PSTPIP1: variants seen among roughly 807,000 people sequenced by gnomAD.
PSTPIP1 encodes proline-serine-threonine phosphatase-interacting protein 1.
Under a neutral mutation model 69.6 loss-of-function variants are expected in PSTPIP1, and 66 were observed. That is an observed-to-expected ratio of 0.95 (90% CI 0.78 to 1.16). PSTPIP1 has a LOEUF of 1.16. Ranked by LOEUF, PSTPIP1 falls within the 50% of genes most tolerant of loss-of-function variation. PSTPIP1 has a pLI of 0.00. For missense variants in PSTPIP1, 603 were observed against 557.4 expected (o/e 1.08, Z -0.82); for synonymous variants, 266 against 222.7 (o/e 1.19, Z -1.73).
chr15:77,035,227 T>TC (rs1447562984), intron 12 of PSTPIP1, among the ~76,000 whole-genome samples: 3 of 152,042 alleles, frequency 2.0e-5, no homozygotes, highest in African/African-American at 7.2e-5. Flanking sequence ...GGTTCTAGGA[T>TC]CCTCCCAAGG....
chr15:77,025,218 G>T (rs2076251161), intron 3 of PSTPIP1, 66 bp from the exon 4 acceptor site: 1 of 1,527,462 alleles, frequency 6.5e-7, no homozygotes, highest in Non-Finnish European at 9.1e-7. Flanking sequence ...CCCGCCGGGA[G>T]GCAGCCTGGA....
intron 3 of PSTPIP1, among the ~76,000 whole-genome samples, chr15:77,022,851 G>A (rs1332103135): frequency 2.6e-5 from 4 of 152,224 alleles, no homozygotes; most frequent in Admixed American, 2.6e-4. Flanking sequence ...GAGGGGCCTG[G>A]AGGGGCCAAA....
rs1198852503 is a variant in PSTPIP1 at position 77,029,509 on chromosome 15, C to T, written c.517-20C>T. 9 of 1,569,536 alleles carry T rather than the reference C, an allele frequency of 5.7e-6. No homozygotes were observed. Among genetic ancestry groups the T allele is most frequent in the Non-Finnish European group, 7.8e-6 (9 of 1,158,192 alleles). On this transcript the variant is annotated intron_variant, in intron 7 of 14. Coordinates refer to ENST00000558012, the MANE Select transcript of PSTPIP1 (RefSeq NM_003978.5). ...CTCCTGGGGCAGGGGCTTAGCGCTGCTTCCCCTCTGTTTCCTCAGAGTCAG... is the reference window on the plus strand; with the variant it reads ...CTCCTGGGGCAGGGGCTTAGCGCTGTTTCCCCTCTGTTTCCTCAGAGTCAG...
At chr15:77,012,156 TC>T (rs1568492594) in intron 1 of PSTPIP1, among the ~76,000 whole-genome samples, 17 of 28,932 alleles carry the variant, frequency 5.9e-4, no homozygotes, top group African/African-American at 3.3e-3. Context: ...CATCCATCCA[TC>T]CACCCACCCA....
chr15:77,034,550 T>A (rs1435162422), intron 12 of PSTPIP1, among the ~76,000 whole-genome samples: 1 of 150,572 alleles, frequency 6.6e-6, no homozygotes, highest in Non-Finnish European at 1.5e-5. Context: ...TCTGGTCCAG[T>A]CTCTATTTCA....
intron 12 of PSTPIP1, among the ~76,000 whole-genome samples, chr15:77,034,343 T>C (rs900981470): frequency 2.1e-4 from 32 of 152,254 alleles, no homozygotes; most frequent in African/African-American, 7.7e-4. Context: ...TCTGCCCGCC[T>C]GTGTTGGTGT....
intron 1 of PSTPIP1, among the ~76,000 whole-genome samples, chr15:77,000,468 T>TAGATATATATAG (rs1201642652): frequency 4.5e-5 from 5 of 112,078 alleles, no homozygotes; most frequent in African/African-American, 1.4e-4. Context: ...GAGATATATA[T>TAGATATATATAG]ATATATATAC....
intron 3 of PSTPIP1, among the ~76,000 whole-genome samples, chr15:77,023,135 G>A (rs369895864): frequency 1.4e-4 from 22 of 152,368 alleles, no homozygotes; most frequent in Non-Finnish European, 2.1e-4. Flanking sequence ...ACCATGAACC[G>A]GGGTGGCCCA....
At chr15:77,003,650 C>T (rs889168739) in intron 1 of PSTPIP1, among the ~76,000 whole-genome samples, 7 of 149,030 alleles carry the variant, frequency 4.7e-5, no homozygotes, top group African/African-American at 1.2e-4. Context: ...AACGAAACTC[C>T]GTCTCAAAAA....
intron 1 of PSTPIP1, chr15:77,007,896 C>T (rs774986109): frequency 9.7e-5 from 44 of 455,926 alleles, no homozygotes; most frequent in Non-Finnish European, 1.7e-4. Flanking sequence ...GCCCGACTGG[C>T]AATAGAACAC....
intron 1 of PSTPIP1, among the ~76,000 whole-genome samples, chr15:77,016,539 G>C (rs2076056205): frequency 6.6e-6 from 1 of 152,164 alleles, no homozygotes; most frequent in African/African-American, 2.4e-5. Context: ...GGCCTTCCAG[G>C]CTAGACACGC....
At chr15:77,004,886 A>G (rs1384757035) in intron 1 of PSTPIP1, among the ~76,000 whole-genome samples, 7 of 151,276 alleles carry the variant, frequency 4.6e-5, no homozygotes, top group Admixed American at 4.6e-4. Flanking sequence ...AAACAAAAAA[A>G]ACAAAGAAAG....
chr15:77,010,884 G>A (rs2075920436), intron 1 of PSTPIP1, among the ~76,000 whole-genome samples: 1 of 152,210 alleles, frequency 6.6e-6, no homozygotes, highest in Admixed American at 6.5e-5. Context: ...GAGCTCAAGT[G>A]ATCCACCCCT....
At chr15:77,032,547 C>A (rs1192378070) in intron 11 of PSTPIP1, 153 bp downstream of exon 11, 2 of 745,302 alleles carry the variant, frequency 2.7e-6, no homozygotes, top group Non-Finnish European at 4.4e-6. Flanking sequence ...GGAGTTGGGT[C>A]CCAGGCCTGC....
chr15:77,000,921 T>C (rs2075694611), intron 1 of PSTPIP1, among the ~76,000 whole-genome samples: 1 of 152,148 alleles, frequency 6.6e-6, no homozygotes. Flanking sequence ...ATCTTAACCA[T>C]TTTTGTGGTG....
chr15:77,004,208 A>G (rs1020966903), intron 1 of PSTPIP1, among the ~76,000 whole-genome samples: 1 of 152,212 alleles, frequency 6.6e-6, no homozygotes, highest in East Asian at 1.9e-4. Flanking sequence ...CCACCTTCCC[A>G]GGTCTGGGTC....
intron 11 of PSTPIP1, chr15:77,032,657 T>G: frequency 1.6e-6 from 1 of 620,644 alleles, no homozygotes; most frequent in Middle Eastern, 2.6e-4. Context: ...ACTCCCCGCC[T>G]GTTTGGTTCC....
intron 1 of PSTPIP1, among the ~76,000 whole-genome samples, chr15:77,001,844 G>T (rs1450910724): frequency 6.6e-6 from 1 of 152,204 alleles, no homozygotes; most frequent in African/African-American, 2.4e-5. Context: ...TAATTAAAGT[G>T]GTTGCCTGTT....
In PSTPIP1 at chr15:77,025,609, G is replaced by A. The variant is rs1226607759; in HGVS notation, c.354+5G>A. Reference sequence around the variant, plus strand: ...CAGAAGGAGCAGAGGAAGAAGGTGAGGCAGGTGCAGGGGGCGGGGGAGCTG... The same window carrying A: ...CAGAAGGAGCAGAGGAAGAAGGTGAAGCAGGTGCAGGGGGCGGGGGAGCTG... On this transcript the variant is annotated splice_donor_5th_base_variant and intron_variant, in intron 5 of 14. Transcript: ENST00000558012. 1 of 1,540,986 alleles carries A rather than the reference G, an allele frequency of 6.5e-7. No individual in the cohort carries two copies. Among genetic ancestry groups the A allele is most frequent in the South Asian group, 1.2e-5 (1 of 83,858 alleles).
Sources: gnomAD v4.1 joint callset for allele counts (sites outside exome capture counted in the v4.1 genomes callset) on GRCh38, gnomAD v4.1.1 for gene constraint, MANE v1.5 for transcripts, NCBI Gene and HGNC (gene_info 2026-07-23, HGNC 2026-07-21) for gene names.